BOP1: variants seen among roughly 807,000 people sequenced by gnomAD.
The protein encoded by BOP1 is BOP1 ribosomal biogenesis factor.
A neutral mutation model predicts 82.9 loss-of-function variants in BOP1; 54 were observed. The ratio of observed to expected loss-of-function variants is 0.65; its 90% CI spans 0.52 to 0.82. BOP1 has a LOEUF of 0.82. Among genes scored for constraint, BOP1 ranks in the 40% least tolerant of loss-of-function variants. The pLI is 0.00. For missense variants in BOP1, 1,170 were observed against 1,072.0 expected (o/e 1.09, Z -1.28); for synonymous variants, 566 against 451.1 (o/e 1.25, Z -3.23).
Position 144,262,957 on chromosome 8 carries a change from G to A in BOP1, c.1790C>T (p.Ala597Val), listed in dbSNP as rs1229516583. The A allele has an allele frequency of 9.0e-6, 14 of 1,547,446 alleles. No individual in the cohort carries two copies. Among genetic ancestry groups the A allele is most frequent in the East Asian group, 2.4e-5 (1 of 42,214 alleles). ...GTAGAGGCGGACGCTGCGCTGGGAC[G>A]CCACCAACAGGAAGGGCCGGGCAGG... is the stretch of plus-strand genomic sequence containing the variant. ...FHPARPFLLV[A>V]SQRSVRLYHL... The change falls in exon 13 of 16, where the codon GCG becomes GTG. Residue 597 changes from alanine to valine, a missense_variant. Coordinates refer to ENST00000569669, the MANE Select transcript of BOP1 (RefSeq NM_015201.5).
intron 1 of BOP1, 67 bp from the exon 2 acceptor site, chr8:144,289,371 G>A: frequency 6.5e-7 from 1 of 1,537,366 alleles, no homozygotes. Flanking sequence ...ACTGCAGGGA[G>A]AGCTGCCTCT....
chr8:144,264,388 C>T lies in BOP1; in HGVS notation c.815G>A (p.Arg272Gln), dbSNP rs934809851. ...AIKMGWIQPR[R>Q]PRDPTPSFYD... ...GAAGCTGGGGGTGGGGTCTCGGGGCCGGCGAGGCTGGATCCAGCCCATCTT... is the reference window on the plus strand; with the variant it reads ...GAAGCTGGGGGTGGGGTCTCGGGGCTGGCGAGGCTGGATCCAGCCCATCTT... The change falls in exon 7 of 16, where the codon CGG (arginine) becomes CAG (glutamine). Residue 272 changes from arginine to glutamine, a missense_variant. Transcript: ENST00000569669. 9.4e-6 allele frequency: 15 copies of T among 1,602,522 alleles called. No individual in the cohort carries two copies. The highest frequency in any genetic ancestry group is 3.4e-4 in the Middle Eastern group (2 of 5,898).
At chr8:144,267,070 G>A in intron 3 of BOP1, 1 of 1,411,352 alleles carries the variant, frequency 7.1e-7, no homozygotes, top group Non-Finnish European at 9.2e-7. Context: ...CTTCCACGCG[G>A]CGCGCGCCGG....
Position 144,263,970 on chromosome 8 carries a change from C to T in BOP1, c.1140+11G>A, listed in dbSNP as rs1845299406. On this transcript the variant is annotated intron_variant, in intron 8 of 15. Coordinates refer to ENST00000569669, the MANE Select transcript of BOP1 (RefSeq NM_015201.5). ...CCTGTGCCACCCCCCTGGTGTGCCACCCCCACACACCCTCATCTTGCGCTG... is the reference window on the plus strand; with the variant it reads ...CCTGTGCCACCCCCCTGGTGTGCCATCCCCACACACCCTCATCTTGCGCTG... 4 of 1,610,662 alleles carry T rather than the reference C, an allele frequency of 2.5e-6. No homozygotes were observed. Among genetic ancestry groups the T allele is most frequent in the Non-Finnish European group, 2.5e-6 (3 of 1,179,644 alleles).
Position 144,276,421 on chromosome 8 carries a change from G to C in BOP1, c.310-117C>G. 4 of 1,195,636 alleles carry C rather than the reference G, an allele frequency of 3.3e-6. No individual in the cohort carries two copies. The South Asian group carries it at 5.1e-5, about 15-fold the overall frequency. 74.1% of individuals were successfully genotyped at this position (1,195,636 alleles called of 1,614,324 possible). A position where few individuals can be genotyped will look rare whatever the true frequency, so the allele number is the denominator to read the frequency against. ...TCTGAGCAGCTCCAGCCTGGCACAG[G>C]CCTCAGCACAAGGCCGAGAACACCC... On this transcript the variant is annotated intron_variant, in intron 2 of 15. Coordinates refer to ENST00000569669, the MANE Select transcript of BOP1 (RefSeq NM_015201.5).
At chr8:144,265,111 A>C in intron 3 of BOP1, 40 bp from the exon 4 acceptor site, 1 of 1,589,586 alleles carries the variant, frequency 6.3e-7, no homozygotes, top group Middle Eastern at 2.1e-4. Context: ...TGATCCTACA[A>C]GGCCCACCCC....
intron 2 of BOP1, among the ~76,000 whole-genome samples, chr8:144,284,433 T>G (rs1045606204): frequency 6.6e-6 from 1 of 152,198 alleles, no homozygotes; most frequent in South Asian, 2.1e-4. Flanking sequence ...GCCCACCCAC[T>G]GGAGCTGTTG....
Position 144,264,379 on chromosome 8 carries a change from T to A in BOP1, c.824A>T (p.Asp275Val), listed in dbSNP as rs1394973361. 8.1e-6 allele frequency: 13 copies of A among 1,602,702 alleles called. No individual in the cohort carries two copies. The highest frequency in any genetic ancestry group is 1.1e-5 in the Non-Finnish European group (13 of 1,179,522). The change falls in exon 7 of 16, where the codon GAC becomes GTC. Residue 275 changes from aspartate to valine, a missense_variant. Asp to Val is a radical substitution (Grantham distance 152). Coordinates refer to ENST00000569669, the MANE Select transcript of BOP1 (RefSeq NM_015201.5). ...CAGGTCATAGAAGCTGGGGGTGGGG[T>A]CTCGGGGCCGGCGAGGCTGGATCCA... ...MGWIQPRRPR[D>V]PTPSFYDLWA... is the part of the protein sequence containing the mutation.
chr8:144,262,467 G>A lies in BOP1; in HGVS notation c.2016C>T (p.His672=), dbSNP rs1845225964. 16 of 1,612,818 alleles carry A rather than the reference G, an allele frequency of 9.9e-6. No homozygotes were observed. The highest frequency in any genetic ancestry group is 1.4e-5 in the Non-Finnish European group (16 of 1,179,852). Residue 672 remains histidine, a synonymous_variant, in exon 15 of 16, where the codon CAC becomes CAT. Coordinates refer to ENST00000569669, the MANE Select transcript of BOP1 (RefSeq NM_015201.5). ...CTGACGCAAAGAGTGGGTACCGCGG[G>A]TGGAAGGCCACAGCCCGCAGAGCCT... ...HKKALRAVAF[H]PRYPLFASGS...
At chr8:144,278,504 G>A (rs1329734669) in intron 2 of BOP1, among the ~76,000 whole-genome samples, 1 of 152,240 alleles carries the variant, frequency 6.6e-6, no homozygotes, top group African/African-American at 2.4e-5. Context: ...CACGGGCTCT[G>A]CCCTCACCTC....
At chr8:144,289,059 G>A (rs781810533) in intron 2 of BOP1, 36 bp downstream of exon 2, 2 of 1,610,796 alleles carry the variant, frequency 1.2e-6, no homozygotes, top group Admixed American at 1.7e-5. Flanking sequence ...CCTGCACATG[G>A]GGGACAGCCC....
chr8:144,262,149 A>G lies in BOP1; in HGVS notation c.*15T>C. ...ACTTCAGCACGACCACCCCAGCCCC[A>G]GGCAGGCAGAACAGCTAGGTGAAGA... is the stretch of plus-strand genomic sequence containing the variant. On this transcript the variant is annotated 3_prime_UTR_variant, in exon 16 of 16. Transcript: ENST00000569669. 2.5e-6 allele frequency: 4 copies of G among 1,611,956 alleles called. No individual in the cohort carries two copies. The highest frequency in any genetic ancestry group is 3.4e-6 in the Non-Finnish European group (4 of 1,179,828).
At chr8:144,280,816 C>T (rs1262255663) in intron 2 of BOP1, among the ~76,000 whole-genome samples, 1 of 152,008 alleles carries the variant, frequency 6.6e-6, no homozygotes, top group Non-Finnish European at 1.5e-5. Context: ...CAGGCTATTG[C>T]ACTCCAGCCC....
Position 144,287,060 on chromosome 8 carries a change from A to T in BOP1, c.309+2035T>A, listed in dbSNP as rs546610668. Among the ~76,000 whole-genome samples, 32 of 152,362 alleles carry T rather than the reference A, an allele frequency of 2.1e-4. No individual in the cohort carries two copies. The South Asian group carries it at 6.2e-3, about 30-fold the overall frequency. On this transcript the variant is annotated intron_variant, in intron 2 of 15. Coordinates refer to ENST00000569669, the MANE Select transcript of BOP1 (RefSeq NM_015201.5). ...AGCCTCACTCTGTCACCCAGACTGG[A>T]GTGCAGTGGTGAGATCTCGGCTCAC...
intron 3 of BOP1, among the ~76,000 whole-genome samples, chr8:144,274,852 TCAA>T (rs1845544564): frequency 1.3e-5 from 2 of 152,130 alleles, no homozygotes; most frequent in South Asian, 4.1e-4. Context: ...CATCGATTTC[TCAA>T]AATACCAAAT....
chr8:144,267,517 C>T (rs1359793597), intron 3 of BOP1, among the ~76,000 whole-genome samples: 2 of 152,210 alleles, frequency 1.3e-5, no homozygotes, highest in African/African-American at 4.8e-5. Context: ...AGTTGAAAGG[C>T]GGAGTGAAAA....
intron 3 of BOP1, 65 bp from the exon 4 acceptor site, chr8:144,265,136 CA>C: frequency 1.3e-6 from 2 of 1,563,196 alleles, no homozygotes; most frequent in Non-Finnish European, 1.7e-6. Flanking sequence ...TCGGGCCGCC[CA>C]GGGGAGCAGG....
intron 3 of BOP1, among the ~76,000 whole-genome samples, chr8:144,275,922 C>A (rs1180149723): frequency 6.6e-6 from 1 of 151,640 alleles, no homozygotes; most frequent in South Asian, 2.1e-4. Context: ...ACCCTGCAGA[C>A]GCCACAGGAG....
At chr8:144,279,823 A>G (rs1554838703) in intron 2 of BOP1, among the ~76,000 whole-genome samples, 1 of 152,112 alleles carries the variant, frequency 6.6e-6, no homozygotes, top group Non-Finnish European at 1.5e-5. Context: ...TGCAGCCCTG[A>G]GCCCTGGGAG....
Sources: allele counts gnomAD v4.1 joint callset (sites outside exome capture counted in the v4.1 genomes callset), GRCh38; gene constraint gnomAD v4.1.1; transcripts MANE v1.5; gene names NCBI Gene and HGNC (gene_info 2026-07-23, HGNC 2026-07-21).